Variants in DOP1B observed in about 807,000 individuals in gnomAD.
The protein encoded by DOP1B is DOP1 leucine zipper like protein B.
DOP1B carries 174 observed loss-of-function variants against 233.5 expected under a neutral mutation model. The ratio of observed to expected loss-of-function variants is 0.75; its 90% CI spans 0.66 to 0.85. The LOEUF (loss-of-function observed/expected upper bound fraction) is 0.85. Among genes scored for constraint, DOP1B ranks in the 40% least tolerant of loss-of-function variants. The pLI, the probability that DOP1B is intolerant of heterozygous loss-of-function variation, is 0.00. For missense variants in DOP1B, 2,652 were observed against 2,846.6 expected, an observed-to-expected ratio of 0.93 and a Z score of 1.56; for synonymous variants, 1,190 against 1,185.6, an observed-to-expected ratio of 1.00 and a Z score of -0.08.
At chr21:36,289,230 C>A in intron 35 of DOP1B, 24 bp downstream of exon 35, 1 of 1,602,972 alleles carries the variant, frequency 6.2e-7, no homozygotes, top group Non-Finnish European at 8.5e-7. Flanking sequence ...GATCGTGTGT[C>A]CTTTTTGAAG....
intron 5 of DOP1B, among the ~76,000 whole-genome samples, chr21:36,209,963 T>C (rs537996099): frequency 2.6e-5 from 4 of 152,154 alleles, no homozygotes; most frequent in African/African-American, 7.2e-5. Flanking sequence ...ATCTCTCTGA[T>C]GACAAGGTGG....
chr21:36,240,699 A>C (rs748828466), intron 18 of DOP1B, among the ~76,000 whole-genome samples: 2 of 151,712 alleles, frequency 1.3e-5, no homozygotes, highest in Non-Finnish European at 2.9e-5. Flanking sequence ...TTAGGAAAGA[A>C]AAGAAAAACT....
At chr21:36,239,092 A>G (rs969597454) in intron 17 of DOP1B, among the ~76,000 whole-genome samples, 2 of 152,128 alleles carry the variant, frequency 1.3e-5, no homozygotes, top group Admixed American at 1.3e-4. Context: ...GACAAGAGCG[A>G]AACTCCATCT....
chr21:36,249,006 G>A (rs1032288651), intron 21 of DOP1B, among the ~76,000 whole-genome samples: 1 of 151,970 alleles, frequency 6.6e-6, no homozygotes, highest in African/African-American at 2.4e-5. Context: ...TCAGGAGGCC[G>A]AGGCAGGAAA....
Position 36,230,811 on chromosome 21 carries a change from C to G in DOP1B, c.2027C>G (p.Ser676Cys). 6.2e-7 allele frequency: 1 copy of G among 1,614,134 alleles called. No homozygotes were observed. Among genetic ancestry groups the G allele is most frequent in the Non-Finnish European group, 8.5e-7 (1 of 1,180,000 alleles). Reference protein sequence around the residue: ...DGTQSLAANDSSRKNSWEPKP... With the variant: ...DGTQSLAANDCSRKNSWEPKP... ...ACGCAGAGCCTGGCAGCCAATGATT[C>G]CAGCAGGAAGAACTCTTGGGAGCCC... The change falls in exon 14 of 37, where the codon TCC becomes TGC. Residue 676 changes from serine (S) to cysteine (C), a missense_variant. Around this residue, in one of 3 missense-constraint regions of DOP1B, gnomAD observed 2,617 missense variants for 2,794.3 expected, o/e 0.94. Coordinates refer to ENST00000691173, the MANE Select transcript of DOP1B (RefSeq NM_001320714.2).
intron 10 of DOP1B, among the ~76,000 whole-genome samples, chr21:36,222,413 C>T (rs959332872): frequency 1.3e-5 from 2 of 151,578 alleles, no homozygotes; most frequent in African/African-American, 4.8e-5. Flanking sequence ...GAAACCCCGT[C>T]TCTACTAAAA....
intron 32 of DOP1B, among the ~76,000 whole-genome samples, chr21:36,283,504 A>C (rs981315347): frequency 6.6e-6 from 1 of 152,248 alleles, no homozygotes; most frequent in Non-Finnish European, 1.5e-5. Context: ...TGTAGTGCAC[A>C]TAAGATTTTT....
At chr21:36,215,470 G>A (rs1176445621) in intron 9 of DOP1B, among the ~76,000 whole-genome samples, 3 of 151,876 alleles carry the variant, frequency 2.0e-5, no homozygotes, top group African/African-American at 7.2e-5. Flanking sequence ...GCGCAATCTC[G>A]GCTCACTAAA....
chr21:36,167,752 C>T (rs568101666), intron 2 of DOP1B, among the ~76,000 whole-genome samples: 4 of 150,902 alleles, frequency 2.7e-5, no homozygotes, highest in Non-Finnish European at 5.9e-5. Flanking sequence ...CTTTCCCTCT[C>T]TACGGACTTT....
chr21:36,175,312 T>C (rs2066010826), intron 2 of DOP1B, among the ~76,000 whole-genome samples: 1 of 151,642 alleles, frequency 6.6e-6, no homozygotes, highest in African/African-American at 2.4e-5. Context: ...GGTTTCACCA[T>C]GTTGGCCAGG....
intron 35 of DOP1B, among the ~76,000 whole-genome samples, chr21:36,290,192 C>T (rs2067539484): frequency 6.6e-6 from 1 of 152,194 alleles, no homozygotes; most frequent in South Asian, 2.1e-4. Context: ...TGCTGTGAAC[C>T]TAAAGCTGTT....
chr21:36,258,081 A>G (rs1334896648), intron 23 of DOP1B, among the ~76,000 whole-genome samples: 2 of 152,020 alleles, frequency 1.3e-5, no homozygotes, highest in Non-Finnish European at 2.9e-5. Flanking sequence ...AGATGTAGGT[A>G]GATAGATAGA....
rs746310122 is a variant in DOP1B at position 36,200,443 on chromosome 21, C to G, written c.433C>G (p.Gln145Glu). The G allele has an allele frequency of 6.2e-7, 1 of 1,613,270 alleles. No individual in the cohort carries two copies. The highest frequency in any genetic ancestry group is 1.1e-5 in the South Asian group (1 of 91,072). The part of the protein sequence containing the change: ...PLQKLLLPSL[Q>E]AFIVGLLPGL... ...GCAGAAGCTGCTCCTGCCCAGTCTG[C>G]AGGCCTTCATCGTGGGCCTGCTGCC... The change falls in exon 4 of 37, where the codon CAG (glutamine) becomes GAG (glutamate). Residue 145 changes from glutamine (Q) to glutamate (E), a missense_variant. By Grantham distance (29) the Gln-to-Glu change is conservative (BLOSUM62 2). Coordinates refer to ENST00000691173, the MANE Select transcript of DOP1B (RefSeq NM_001320714.2).
intron 2 of DOP1B, among the ~76,000 whole-genome samples, chr21:36,180,390 GA>G (rs890998988): frequency 2.1e-5 from 3 of 145,698 alleles, no homozygotes; most frequent in African/African-American, 7.7e-5. Context: ...CCAACATGGT[GA>G]AACCTCATCT....
chr21:36,233,019 CCT>C lies in DOP1B; in HGVS notation c.2568_2569del (p.Pro857HisfsTer67). Reference protein sequence around the residue: ...FFGKLQMVTVPPIAPGILKVI... With the variant: ...FFGKLQMVTVXPIAPGILKVI... ...TGGCAAGCTGCAGATGGTGACGGTT[CCT>C]CCCATTGCTCCAGGGATATTGAAAG... On this transcript the variant is annotated frameshift_variant, in exon 15 of 37. Transcript: ENST00000691173. LOFTEE classifies it high-confidence loss of function. 1 of 1,614,058 alleles carries C rather than the reference CCT, an allele frequency of 6.2e-7. No homozygotes were observed. Among genetic ancestry groups the C allele is most frequent in the Non-Finnish European group, 8.5e-7 (1 of 1,179,990 alleles).
intron 22 of DOP1B, among the ~76,000 whole-genome samples, chr21:36,253,054 C>T (rs1317913953): frequency 2.0e-5 from 3 of 152,208 alleles, no homozygotes; most frequent in African/African-American, 7.2e-5. Context: ...CCCTCCTGAG[C>T]GCCTGTCGGC....
Position 36,278,253 on chromosome 21 carries a change from G to A in DOP1B, c.5867G>A (p.Ser1956Asn), listed in dbSNP as rs1331480240. Reference protein sequence around the residue: ...PSFRAGAQLLSSLSGYAYTKR... With the variant: ...PSFRAGAQLLNSLSGYAYTKR... ...TTCCGGGCTGGCGCTCAGCTGCTGA[G>A]CTCCCTGAGTGGCTATGCCTACACA... is the stretch of plus-strand genomic sequence containing the variant. The change falls in exon 30 of 37, where the codon AGC becomes AAC. Residue 1956 changes from serine (S) to asparagine (N), a missense_variant. By Grantham distance (46) the Ser-to-Asn change is conservative. Transcript: ENST00000691173. The A allele has an allele frequency of 2.5e-6, 4 of 1,614,126 alleles. No individual in the cohort carries two copies. Among genetic ancestry groups the A allele is most frequent in the Middle Eastern group, 1.6e-4 (1 of 6,062 alleles).
In DOP1B at chr21:36,214,441, G is replaced by C. The variant is rs2066536967; in HGVS notation, c.1015-1G>C. ...AATATGTGGCTTTTTTTAAATAATA[G>C]GGTTTGGCTGAGATATTGCATCAGA... On this transcript the variant is annotated splice_acceptor_variant, in intron 8 of 36. Coordinates refer to ENST00000691173, the MANE Select transcript of DOP1B (RefSeq NM_001320714.2). LOFTEE classifies it high-confidence loss of function. The C allele has an allele frequency of 1.2e-6, 2 of 1,607,926 alleles. No individual in the cohort carries two copies. Among genetic ancestry groups the C allele is most frequent in the Non-Finnish European group, 1.7e-6 (2 of 1,178,396 alleles).
intron 13 of DOP1B, among the ~76,000 whole-genome samples, chr21:36,228,470 AT>A (rs1230893833): frequency 6.6e-6 from 1 of 151,980 alleles, no homozygotes; most frequent in Non-Finnish European, 1.5e-5. Context: ...AAAAAAAAAA[AT>A]AAATAAAAAT....
Sources: allele counts gnomAD v4.1 joint callset (sites outside exome capture counted in the v4.1 genomes callset), GRCh38; gene constraint gnomAD v4.1.1; regional missense constraint gnomAD v4.1.1; transcripts MANE v1.5; gene names NCBI Gene and HGNC (gene_info 2026-07-23, HGNC 2026-07-21).